PLEKHA8: variants seen among roughly 807,000 people sequenced by gnomAD.
PLEKHA8 encodes the protein pleckstrin homology domain-containing family A member 8.
Under a neutral mutation model 68.2 loss-of-function variants are expected in PLEKHA8, and 36 were observed. The ratio of observed to expected loss-of-function variants is 0.53; its 90% CI spans 0.40 to 0.70. The LOEUF (loss-of-function observed/expected upper bound fraction) is 0.70, where lower values mean the gene tolerates loss of function less well. Ranked by LOEUF, PLEKHA8 falls within the 30% of genes least tolerant of loss-of-function variation. PLEKHA8 has a pLI of 0.00. For missense variants in PLEKHA8, 505 were observed against 615.4 expected (o/e 0.82, Z 1.90); for synonymous variants, 211 against 216.1 (o/e 0.98, Z 0.20).
chr7:30,103,456 T>C (rs1049473897), intron 13 of PLEKHA8, among the ~76,000 whole-genome samples: 1 of 152,196 alleles, frequency 6.6e-6, no homozygotes, highest in Non-Finnish European at 1.5e-5. Flanking sequence ...TATGTAGAAA[T>C]GCAAAGGACC....
chr7:30,032,125 A>C (rs1790714841), intron 1 of PLEKHA8, among the ~76,000 whole-genome samples: 1 of 152,168 alleles, frequency 6.6e-6, no homozygotes, highest in African/African-American at 2.4e-5. Context: ...ACAGATTCCC[A>C]CATTGTGTGA....
chr7:30,076,235 G>GA (rs1400876298), intron 13 of PLEKHA8, among the ~76,000 whole-genome samples: 3 of 151,690 alleles, frequency 2.0e-5, no homozygotes, highest in Non-Finnish European at 2.9e-5. Flanking sequence ...AATAGTCTTT[G>GA]AAAAAAACAC....
chr7:30,098,690 A>G (rs570633201), intron 13 of PLEKHA8, among the ~76,000 whole-genome samples: 77 of 152,334 alleles, frequency 5.1e-4, no homozygotes, highest in African/African-American at 1.7e-3. Context: ...AAAGCGCAGT[A>G]TTAGGGTGGG....
intron 13 of PLEKHA8, among the ~76,000 whole-genome samples, chr7:30,110,986 C>G (rs544399030): frequency 1.3e-5 from 2 of 151,630 alleles, no homozygotes; most frequent in South Asian, 4.2e-4. Context: ...CGCACTGCAA[C>G]CTCTGCATCC....
intron 6 of PLEKHA8, 67 bp from the exon 7 acceptor site, chr7:30,052,640 CAA>C (rs75714651): frequency 0.063 from 64,471 of 1,026,530 alleles, no homozygotes; most frequent in East Asian, 0.097. Context: ...GACCCTGTTT[CAA>C]AAAAAAAAAA....
intron 5 of PLEKHA8, among the ~76,000 whole-genome samples, chr7:30,049,835 T>C (rs1180755768): frequency 6.6e-6 from 1 of 152,204 alleles, no homozygotes; most frequent in Non-Finnish European, 1.5e-5. Context: ...CTTGAACATA[T>C]TCATTGCTTG....
downstream of PLEKHA8, among the ~76,000 whole-genome samples, chr7:30,085,541 T>A (rs1490257767): frequency 6.6e-6 from 1 of 152,246 alleles, no homozygotes. Context: ...GTGTTGAACC[T>A]GTCAGGTTTT....
In PLEKHA8 at chr7:30,079,536, A is replaced by T; in HGVS notation, c.*749A>T. The T allele has an allele frequency of 1.1e-6, 1 of 944,692 alleles. No homozygotes were observed. Among genetic ancestry groups the T allele is most frequent in the Non-Finnish European group, 1.3e-6 (1 of 792,902 alleles). 58.5% of individuals were successfully genotyped at this position (944,692 alleles called of 1,614,324 possible). On this transcript the variant is annotated 3_prime_UTR_variant, in exon 14 of 14. Coordinates refer to ENST00000449726, the MANE Select transcript of PLEKHA8 (RefSeq NM_001197026.2). ...CCATTTACCAGCATGTTCCCCATGC[A>T]TTATCTCAATTGGACATCACAAGTA...
chr7:30,057,653 G>A (rs1038961325), intron 9 of PLEKHA8, among the ~76,000 whole-genome samples: 1 of 151,974 alleles, frequency 6.6e-6, no homozygotes, highest in African/African-American at 2.4e-5. Context: ...TAGAGACAAG[G>A]TTTCACCATG....
At chr7:30,116,053 T>C (rs537101255) in intron 13 of PLEKHA8, 6 of 143,486 alleles carry the variant, frequency 4.2e-5, no homozygotes, top group Non-Finnish European at 7.7e-5. Flanking sequence ...TACGCATACA[T>C]ACGTATGCAT....
chr7:30,032,882 C>T, intron 1 of PLEKHA8, among the ~76,000 whole-genome samples: 1 of 152,234 alleles, frequency 6.6e-6, no homozygotes, highest in Non-Finnish European at 1.5e-5. Context: ...GCTGCTTGTG[C>T]CTCTCCAGCA....
intron 1 of PLEKHA8, among the ~76,000 whole-genome samples, chr7:30,029,933 C>T (rs1390052107): frequency 6.6e-6 from 1 of 152,200 alleles, no homozygotes; most frequent in Non-Finnish European, 1.5e-5. Flanking sequence ...GTGTAATTAG[C>T]AGTGAGTTCA....
chr7:30,086,419 A>C (rs1325770535), downstream of PLEKHA8, among the ~76,000 whole-genome samples: 1 of 152,206 alleles, frequency 6.6e-6, no homozygotes, highest in Non-Finnish European at 1.5e-5. Context: ...AGGTATATGA[A>C]GGGAGTTCAT....
rs1198841144 is a variant in PLEKHA8, at chr7:30,056,360, C to CATAT, written c.1039+1026_1039+1029dup. Among the ~76,000 whole-genome samples the CATAT allele has an allele frequency of 1.1e-3, 137 of 122,224 alleles. 2 individuals carry two copies. The highest frequency in any genetic ancestry group is 4.2e-3 in the African/African-American group (134 of 32,254). The allele number at this position is 122,224 out of a possible 152,430, so 80.2% of individuals were successfully genotyped here. A position where few individuals can be genotyped will look rare whatever the true frequency, so the allele number is the denominator to read the frequency against. The stretch of plus-strand genomic sequence containing the variant: ...TAACATATATATAATATATATAACA[C>CATAT]ATATATATATAAATAACATATATAT... On this transcript the variant is annotated intron_variant, in intron 9 of 13. Transcript: ENST00000449726.
Position 30,080,891 on chromosome 7 carries a change from A to T in PLEKHA8, c.*2104A>T. On this transcript the variant is annotated 3_prime_UTR_variant, in exon 14 of 14. Transcript: ENST00000449726. ...TACTTTGAATGAAGATGTTTTAGGC[A>T]TTGTACCATTTAGCGGGGATGATAC... 1 of 985,406 alleles carries T rather than the reference A, an allele frequency of 1.0e-6. No individual in the cohort carries two copies. Among genetic ancestry groups the T allele is most frequent in the Non-Finnish European group, 1.2e-6 (1 of 829,920 alleles). The allele number at this position is 985,406 out of a possible 1,614,324, so 61.0% of individuals were successfully genotyped here.
intron 4 of PLEKHA8, among the ~76,000 whole-genome samples, chr7:30,048,359 A>G (rs1351640304): frequency 6.6e-6 from 1 of 152,204 alleles, no homozygotes; most frequent in Non-Finnish European, 1.5e-5. Flanking sequence ...TTCTATAGCT[A>G]TGGCTATTAA....
At chr7:30,034,737 T>C (rs1198207588) in intron 1 of PLEKHA8, among the ~76,000 whole-genome samples, 2 of 152,208 alleles carry the variant, frequency 1.3e-5, no homozygotes, top group South Asian at 2.1e-4. Flanking sequence ...AAAATCCGCA[T>C]GTGCACGGTT....
At chr7:30,117,703 C>G (rs1796611024) in intron 13 of PLEKHA8, among the ~76,000 whole-genome samples, 1 of 151,966 alleles carries the variant, frequency 6.6e-6, no homozygotes, top group Non-Finnish European at 1.5e-5. Flanking sequence ...GCAAGACCCC[C>G]CTCCAGAAAA....
chr7:30,058,360 A>G (rs1372175561), intron 9 of PLEKHA8, among the ~76,000 whole-genome samples: 6 of 151,996 alleles, frequency 3.9e-5, no homozygotes, highest in African/African-American at 1.4e-4. Flanking sequence ...ACCTATCCCA[A>G]AGGTCATGAA....
Sources: allele counts gnomAD v4.1 joint callset (sites outside exome capture counted in the v4.1 genomes callset), GRCh38; gene constraint gnomAD v4.1.1; transcripts MANE v1.5; gene names NCBI Gene and HGNC (gene_info 2026-07-23, HGNC 2026-07-21).